Variants in ZNF639 observed in about 807,000 individuals in gnomAD.
The protein encoded by ZNF639 is zinc finger protein 639.
ZNF639 carries 20 observed loss-of-function variants against 39.8 expected under a neutral mutation model. The observed-to-expected ratio is 0.50, with a 90% CI of 0.35 to 0.73. The LOEUF (loss-of-function observed/expected upper bound fraction) is 0.73, where lower values mean the gene tolerates loss of function less well. ZNF639 is among the 30% of genes least tolerant of loss of function. The pLI, the probability that ZNF639 is intolerant of heterozygous loss-of-function variation, is 0.00. For missense variants in ZNF639, 477 were observed against 566.2 expected, an observed-to-expected ratio of 0.84 and a Z score of 1.60; for synonymous variants, 176 against 189.8, an observed-to-expected ratio of 0.93 and a Z score of 0.60.
rs1442906419 is a variant in ZNF639 at position 179,333,641 on chromosome 3, A to G, written c.677A>G (p.Lys226Arg). Residue 226 changes from lysine to arginine, a missense_variant, in exon 6 of 6, where the codon AAG (lysine) becomes AGG (arginine). Physicochemically the swap from Lys to Arg is conservative, Grantham distance 26. Transcript: ENST00000496856. Reference protein sequence around the residue: ...FSDLKQHMILKHKRTDSNVCR... With the variant: ...FSDLKQHMILRHKRTDSNVCR... ...GACTTAAAGCAGCATATGATCCTGA[A>G]GCATAAACGTACTGATTCAAATGTG... 3 of 1,614,174 alleles carry G rather than the reference A, an allele frequency of 1.9e-6. No individual in the cohort carries two copies. Among genetic ancestry groups the G allele is most frequent in the Admixed American group, 1.7e-5 (1 of 60,022 alleles).
intron 3 of ZNF639, among the ~76,000 whole-genome samples, chr3:179,329,273 C>G (rs1727770021): frequency 6.6e-6 from 1 of 152,186 alleles, no homozygotes; most frequent in African/African-American, 2.4e-5. Flanking sequence ...CAACCTTTCT[C>G]TGCATGACAT....
chr3:179,328,136 G>A lies in ZNF639; in HGVS notation c.-11-147G>A. ...GAAAACAATCTGAAATACAAACAGA[G>A]GCATCATTTAACACTTTTCTTATAC... On this transcript the variant is annotated intron_variant, in intron 2 of 5. Transcript: ENST00000496856. The A allele has an allele frequency of 8.2e-6, 4 of 486,566 alleles. No homozygotes were observed. The Admixed American group carries it at 1.6e-4, about 20-fold the overall frequency. The allele number at this position is 486,566 out of a possible 1,614,324, so 30.1% of individuals were successfully genotyped here.
chr3:179,329,785 C>T, intron 4 of ZNF639, 57 bp downstream of exon 4: 1 of 902,358 alleles, frequency 1.1e-6, no homozygotes, highest in East Asian at 2.7e-5. Flanking sequence ...ATTTTTTATT[C>T]CTTACTTGAA....
intron 1 of ZNF639, among the ~76,000 whole-genome samples, chr3:179,327,060 C>T (rs1013471411): frequency 6.6e-6 from 1 of 151,926 alleles, no homozygotes; most frequent in African/African-American, 2.4e-5. Context: ...TGTGGTGCCA[C>T]ATGCCTGTAA....
At chr3:179,332,956 A>G (rs1727995233) in intron 4 of ZNF639, 33 bp from the exon 5 acceptor site, 1 of 1,517,204 alleles carries the variant, frequency 6.6e-7, no homozygotes, top group Non-Finnish European at 8.8e-7. Flanking sequence ...GATTGTATAA[A>G]TAATAAGTAT....
In ZNF639 at chr3:179,323,148, C is replaced by T; in HGVS notation, c.-226C>T. The T allele has an allele frequency of 1.0e-6, 1 of 984,624 alleles. No individual in the cohort carries two copies. The highest frequency in any genetic ancestry group is 1.2e-6 in the Non-Finnish European group (1 of 829,760). 61.0% of individuals were successfully genotyped at this position (984,624 alleles called of 1,614,324 possible). On this transcript the variant is annotated 5_prime_UTR_variant, in exon 1 of 6. Coordinates refer to ENST00000496856, the MANE Select transcript of ZNF639 (RefSeq NM_001303426.2). ...CGGGGAGGGAGAGGGGTCGGCCCAG[C>T]ACAGCGTCCGGGAGCGCTAGGGCCG...
At chr3:179,324,797 A>G (rs2108491122) in intron 1 of ZNF639, among the ~76,000 whole-genome samples, 1 of 152,294 alleles carries the variant, frequency 6.6e-6, no homozygotes, top group Middle Eastern at 3.4e-3. Flanking sequence ...AGAACTTGAG[A>G]TGCATTCTGA....
chr3:179,329,878 T>A, intron 4 of ZNF639, 150 bp downstream of exon 4: 1 of 441,646 alleles, frequency 2.3e-6, no homozygotes, highest in Non-Finnish European at 4.0e-6. Flanking sequence ...AAAGTTGTAT[T>A]TTTTTAAGAA....
At position 179,328,308 on chromosome 3, in the gene ZNF639, T is replaced by C. The variant is rs372654154; in HGVS notation, c.15T>C (p.Pro5=). MNEY[P]KKRKRKTLHP... Reference sequence around the variant, plus strand: ...ATTGAAAAGATATGAATGAGTATCCTAAAAAAAGAAAAAGGAAGACTCTAC... The same window carrying C: ...ATTGAAAAGATATGAATGAGTATCCCAAAAAAAGAAAAAGGAAGACTCTAC... The change falls in exon 3 of 6, where the codon CCT becomes CCC. Residue 5 remains proline (P), a synonymous_variant. Coordinates refer to ENST00000496856, the MANE Select transcript of ZNF639 (RefSeq NM_001303426.2). 3.1e-5 allele frequency: 49 copies of C among 1,582,138 alleles called. No homozygotes were observed. The highest frequency in any genetic ancestry group is 3.9e-5 in the Non-Finnish European group (45 of 1,163,972).
At chr3:179,331,151 A>G (rs77054393) in intron 4 of ZNF639, among the ~76,000 whole-genome samples, 2,753 of 152,310 alleles carry the variant, frequency 0.018, 98 homozygotes, top group South Asian at 0.11. Flanking sequence ...CGCACTTGAC[A>G]GGGGTATGCC....
rs147305396 is a variant in ZNF639, at chr3:179,331,477, A to C, written c.170-1512A>C. On this transcript the variant is annotated intron_variant, in intron 4 of 5. Transcript: ENST00000496856. ...ACTTCTTACAAAAGGTAAAGTATGG[A>C]AAGTAAAAGCACAACTTTAGGCCAG... 0.01 allele frequency among the ~76,000 whole-genome samples: 1,568 copies of C among 152,266 alleles called. 54 individuals are homozygous for C. In the South Asian group the frequency reaches 0.11, roughly 11 times the overall value.
In ZNF639 at chr3:179,333,594, G is replaced by A. The variant is rs1412158513; in HGVS notation, c.630G>A (p.Glu210=). 1 of 1,614,104 alleles carries A rather than the reference G, an allele frequency of 6.2e-7. No individual in the cohort carries two copies. The highest frequency in any genetic ancestry group is 1.1e-5 in the South Asian group (1 of 91,084). ...SSGLYKCELC[E]FNSKYFSDLK... ...GCCTCTATAAATGTGAACTTTGTGA[G>A]TTTAACAGCAAATATTTTTCTGACT... The change falls in exon 6 of 6, where the codon GAG becomes GAA. Residue 210 remains glutamate, a synonymous_variant. Coordinates refer to ENST00000496856, the MANE Select transcript of ZNF639 (RefSeq NM_001303426.2).
rs1331917005 is a variant in ZNF639, at chr3:179,336,749, A to T, written c.*2327A>T. 6.6e-6 allele frequency: 1 copy of T among 152,236 alleles called. No homozygotes were observed. Among genetic ancestry groups the T allele is most frequent in the Non-Finnish European group, 1.5e-5 (1 of 68,038 alleles). 9.4% of individuals were successfully genotyped at this position (152,236 alleles called of 1,614,324 possible). ...TACTGTCTAGTGATGTTTCCATTAC[A>T]TCATGTTACATAAACCTAACCTTTC... is the stretch of plus-strand genomic sequence containing the variant. On this transcript the variant is annotated 3_prime_UTR_variant, in exon 6 of 6. Coordinates refer to ENST00000496856, the MANE Select transcript of ZNF639 (RefSeq NM_001303426.2).
At chr3:179,327,206 A>G (rs1042569858) in intron 1 of ZNF639, among the ~76,000 whole-genome samples, 1 of 152,122 alleles carries the variant, frequency 6.6e-6, no homozygotes, top group Non-Finnish European at 1.5e-5. Context: ...CAAAAAGTTT[A>G]TAATTTGGTT....
intron 1 of ZNF639, among the ~76,000 whole-genome samples, chr3:179,326,235 C>T (rs1004413441): frequency 1.3e-5 from 2 of 152,064 alleles, no homozygotes; most frequent in African/African-American, 4.8e-5. Flanking sequence ...CTGGCGGGCG[C>T]CCGTAATCCC....
In ZNF639 at chr3:179,333,675, A is replaced by G. The variant is rs1440275985; in HGVS notation, c.711A>G (p.Val237=). ...HKRTDSNVCR[V]CKESFSTNML... ...GTACTGATTCAAATGTGTGTCGAGTATGCAAGGAAAGTTTCTCTACCAATA... is the reference window on the plus strand; with the variant it reads ...GTACTGATTCAAATGTGTGTCGAGTGTGCAAGGAAAGTTTCTCTACCAATA... The change falls in exon 6 of 6, where the codon GTA becomes GTG. Residue 237 remains valine (V), a synonymous_variant. Coordinates refer to ENST00000496856, the MANE Select transcript of ZNF639 (RefSeq NM_001303426.2). 1 of 1,614,074 alleles carries G rather than the reference A, an allele frequency of 6.2e-7. No individual in the cohort carries two copies. Among genetic ancestry groups the G allele is most frequent in the Non-Finnish European group, 8.5e-7 (1 of 1,180,044 alleles).
chr3:179,331,499 C>T (rs1245099580), intron 4 of ZNF639, among the ~76,000 whole-genome samples: 1 of 152,128 alleles, frequency 6.6e-6, no homozygotes, highest in Non-Finnish European at 1.5e-5. Context: ...CAACTTTAGG[C>T]CAGGTGCGGT....
rs1711512449 is a variant in ZNF639, at chr3:179,335,825, T to C, written c.*1403T>C. 1 of 150,144 alleles carries C rather than the reference T, an allele frequency of 6.7e-6. No homozygotes were observed. The highest frequency in any genetic ancestry group is 2.1e-4 in the South Asian group (1 of 4,706). The allele number at this position is 150,144 out of a possible 1,614,324, so 9.3% of individuals were successfully genotyped here. ...AATTTTTTGAGACAGAATTTCACTC[T>C]TGTCGCCCAGGCTGGAGTACAGTGG... On this transcript the variant is annotated 3_prime_UTR_variant, in exon 6 of 6. Coordinates refer to ENST00000496856, the MANE Select transcript of ZNF639 (RefSeq NM_001303426.2).
intron 4 of ZNF639, chr3:179,330,015 C>A: frequency 4.9e-6 from 1 of 202,842 alleles, no homozygotes. Flanking sequence ...CAGGTTCAAG[C>A]AATTCTCCTG....
Sources: gnomAD v4.1 joint callset for allele counts (sites outside exome capture counted in the v4.1 genomes callset) on GRCh38, gnomAD v4.1.1 for gene constraint, MANE v1.5 for transcripts, NCBI Gene and HGNC (gene_info 2026-07-23, HGNC 2026-07-21) for gene names.